CDKAL1: variants seen among roughly 807,000 people sequenced by gnomAD.
The protein encoded by CDKAL1 is threonylcarbamoyladenosine tRNA methylthiotransferase.
A neutral mutation model predicts 68.2 loss-of-function variants in CDKAL1; 32 were observed. That is an observed-to-expected ratio of 0.47 (90% CI 0.35 to 0.63). CDKAL1 has a LOEUF of 0.63. CDKAL1 is among the 30% of genes least tolerant of loss of function. The probability of loss-of-function intolerance (pLI) is 0.00; values close to 1 mark genes in which losing one functional copy is unlikely to be tolerated. For missense variants in CDKAL1, 606 were observed against 696.7 expected (o/e 0.87, Z 1.47); for synonymous variants, 234 against 244.3 (o/e 0.96, Z 0.39).
At chr6:20,824,664 T>TTA (rs1358233248) in intron 8 of CDKAL1, among the ~76,000 whole-genome samples, 1 of 152,148 alleles carries the variant, frequency 6.6e-6, no homozygotes, top group Non-Finnish European at 1.5e-5. Context: ...TGTTATAATG[T>TTA]TATATAATGT....
intron 13 of CDKAL1, among the ~76,000 whole-genome samples, chr6:21,183,052 A>G (rs796246852): frequency 2.0e-5 from 3 of 152,290 alleles, no homozygotes; most frequent in African/African-American, 7.2e-5. Context: ...TCCTTTTGAA[A>G]GAAGAATGAT....
At chr6:20,880,878 T>C (rs928980788) in intron 9 of CDKAL1, among the ~76,000 whole-genome samples, 2 of 152,120 alleles carry the variant, frequency 1.3e-5, no homozygotes, top group Non-Finnish European at 2.9e-5. Context: ...TGAAAGAAAA[T>C]TTACAGATGG....
intron 8 of CDKAL1, among the ~76,000 whole-genome samples, chr6:20,841,076 C>G (rs1273472371): frequency 6.6e-6 from 1 of 152,170 alleles, no homozygotes; most frequent in Admixed American, 6.5e-5. Flanking sequence ...CTCAAGCAAC[C>G]CTCTTGCCTC....
intron 12 of CDKAL1, among the ~76,000 whole-genome samples, chr6:21,096,703 T>A (rs73381509): frequency 0.25 from 37,530 of 151,818 alleles, 4,767 homozygotes; most frequent in South Asian, 0.32. Flanking sequence ...TGGTAAAAAA[T>A]AAATAAATAA....
intron 10 of CDKAL1, among the ~76,000 whole-genome samples, chr6:20,987,179 A>G (rs1766512953): frequency 6.6e-6 from 1 of 151,666 alleles, no homozygotes. Flanking sequence ...TTGGTTACCT[A>G]TGTACAGTGG....
At chr6:21,018,018 G>A (rs1768435403) in intron 11 of CDKAL1, among the ~76,000 whole-genome samples, 1 of 152,096 alleles carries the variant, frequency 6.6e-6, no homozygotes. Flanking sequence ...AGAATTGCAA[G>A]GGCTATCAAC....
At chr6:21,105,438 T>G (rs904397948) in intron 12 of CDKAL1, among the ~76,000 whole-genome samples, 4 of 152,194 alleles carry the variant, frequency 2.6e-5, no homozygotes, top group African/African-American at 9.7e-5. Flanking sequence ...CCAAGTGATT[T>G]GAACCACTGC....
intron 12 of CDKAL1, among the ~76,000 whole-genome samples, chr6:21,077,645 A>G (rs1275108965): frequency 6.6e-6 from 1 of 152,210 alleles, no homozygotes; most frequent in Non-Finnish European, 1.5e-5. Context: ...CACTTTTACA[A>G]CAACCAGATC....
chr6:21,054,538 G>T (rs1770725624), intron 11 of CDKAL1, among the ~76,000 whole-genome samples: 1 of 152,002 alleles, frequency 6.6e-6, no homozygotes, highest in Non-Finnish European at 1.5e-5. Context: ...AAATCAATTT[G>T]GAGAGGCTTG....
At chr6:20,883,777 G>A (rs564713741) in intron 9 of CDKAL1, among the ~76,000 whole-genome samples, 1 of 152,218 alleles carries the variant, frequency 6.6e-6, no homozygotes, top group South Asian at 2.1e-4. Context: ...AACTTTTTCT[G>A]TATATTTAAA....
At chr6:20,661,437 C>T (rs1209952312) in intron 5 of CDKAL1, among the ~76,000 whole-genome samples, 1 of 151,962 alleles carries the variant, frequency 6.6e-6, no homozygotes. Context: ...CAGCTTCTGA[C>T]CATTTCCTAT....
intron 8 of CDKAL1, among the ~76,000 whole-genome samples, chr6:20,787,876 G>A (rs1372974339): frequency 6.6e-6 from 1 of 152,120 alleles, no homozygotes; most frequent in African/African-American, 2.4e-5. Flanking sequence ...ACAGATACTG[G>A]TTTATAAGAG....
At chr6:20,995,228 G>A (rs1767038627) in intron 10 of CDKAL1, among the ~76,000 whole-genome samples, 1 of 152,056 alleles carries the variant, frequency 6.6e-6, no homozygotes, top group African/African-American at 2.4e-5. Context: ...TATCCATGAG[G>A]GTTGAAATCA....
At chr6:21,204,882 C>T (rs1054909761) in intron 15 of CDKAL1, among the ~76,000 whole-genome samples, 1 of 152,144 alleles carries the variant, frequency 6.6e-6, no homozygotes, top group African/African-American at 2.4e-5. Context: ...TGTTGTACAA[C>T]CCATCTCCAG....
At chr6:20,973,156 T>C (rs1028485423) in intron 10 of CDKAL1, among the ~76,000 whole-genome samples, 23 of 152,054 alleles carry the variant, frequency 1.5e-4, no homozygotes, top group Admixed American at 1.4e-3. Flanking sequence ...GAACAATGAA[T>C]TGATATATGT....
intron 9 of CDKAL1, among the ~76,000 whole-genome samples, chr6:20,865,631 T>TAAA (rs5874790): frequency 3.5e-4 from 53 of 150,746 alleles, no homozygotes; most frequent in Admixed American, 9.2e-4. Flanking sequence ...GCTGAAATTG[T>TAAA]AAAAAAAAAA....
At chr6:20,864,863 C>G (rs150838672) in intron 9 of CDKAL1, among the ~76,000 whole-genome samples, 1 of 152,222 alleles carries the variant, frequency 6.6e-6, no homozygotes, top group East Asian at 1.9e-4. Context: ...TTATTATATC[C>G]TACCATCGAT....
rs563936580 is a variant in CDKAL1 at position 20,720,830 on chromosome 6, T to A, written c.372-18689T>A. Among the ~76,000 whole-genome samples, 5 of 152,346 alleles carry A rather than the reference T, an allele frequency of 3.3e-5. No individual in the cohort carries two copies. The South Asian group carries it at 1.0e-3, about 32-fold the overall frequency. On this transcript the variant is annotated intron_variant, in intron 5 of 15. Transcript: ENST00000274695. ...TCTACTTCTGTGTGATCACATTTTT[T>A]AACTCCCACATGTAAGTGAGGATAT...
chr6:21,069,487 C>T (rs928865737), intron 12 of CDKAL1, among the ~76,000 whole-genome samples: 9 of 152,166 alleles, frequency 5.9e-5, no homozygotes, highest in East Asian at 1.9e-4. Flanking sequence ...ACCTTGCATT[C>T]CTGTAATAAG....
Sources: gnomAD v4.1 joint callset for allele counts (sites outside exome capture counted in the v4.1 genomes callset) on GRCh38, gnomAD v4.1.1 for gene constraint, MANE v1.5 for transcripts, NCBI Gene and HGNC (gene_info 2026-07-23, HGNC 2026-07-21) for gene names.